Variants in PDE4D observed in about 807,000 individuals in gnomAD.
PDE4D encodes the protein 3',5'-cyclic-AMP phosphodiesterase 4D.
A neutral mutation model predicts 87.4 loss-of-function variants in PDE4D; 24 were observed. The observed-to-expected ratio is 0.27, with a 90% CI of 0.20 to 0.39. The LOEUF (loss-of-function observed/expected upper bound fraction) is 0.39, where lower values mean the gene tolerates loss of function less well. Among genes scored for constraint, PDE4D ranks in the 10% least tolerant of loss-of-function variants. The probability of loss-of-function intolerance (pLI) is 1.00; values close to 1 mark genes in which losing one functional copy is unlikely to be tolerated. For missense variants in PDE4D, 714 were observed against 1,041.0 expected (o/e 0.69, Z 4.32); for synonymous variants, 384 against 383.2 (o/e 1.00, Z -0.02).
At chr5:60,269,123 G>C (rs554617407) in intron 1 of PDE4D, among the ~76,000 whole-genome samples, 173 of 152,216 alleles carry the variant, frequency 1.1e-3, no homozygotes, top group African/African-American at 4.0e-3. Context: ...GGCCAACATG[G>C]TGAAACCCAT....
intron 1 of PDE4D, among the ~76,000 whole-genome samples, chr5:59,434,919 G>A (rs1230965878): frequency 6.6e-6 from 1 of 152,124 alleles, no homozygotes; most frequent in East Asian, 1.9e-4. Flanking sequence ...TTGGCAGGTT[G>A]ACTAATTCTC....
intron 1 of PDE4D, chr5:59,217,881 A>T (rs1751601460): frequency 5.9e-6 from 2 of 336,496 alleles, no homozygotes; most frequent in Admixed American, 7.7e-5. Context: ...TTCAATAGAC[A>T]TACATTAGGG....
chr5:60,462,918 C>A (rs1747070063), intron 1 of PDE4D, among the ~76,000 whole-genome samples: 1 of 152,190 alleles, frequency 6.6e-6, no homozygotes, highest in African/African-American at 2.4e-5. Flanking sequence ...TAGAAAGCAT[C>A]ATATGTGGTT....
chr5:60,310,927 C>A (rs1199451843), intron 1 of PDE4D, among the ~76,000 whole-genome samples: 3 of 152,310 alleles, frequency 2.0e-5, no homozygotes, highest in Non-Finnish European at 2.9e-5. Context: ...CACCAGCATA[C>A]CTCGTAACAT....
chr5:59,694,878 C>T (rs1365890520), intron 1 of PDE4D, among the ~76,000 whole-genome samples: 1 of 152,092 alleles, frequency 6.6e-6, no homozygotes, highest in African/African-American at 2.4e-5. Flanking sequence ...AGGACTTTTA[C>T]CAAACATTAC....
intron 5 of PDE4D, among the ~76,000 whole-genome samples, chr5:59,041,557 G>T (rs1017161438): frequency 6.6e-6 from 1 of 152,170 alleles, no homozygotes; most frequent in African/African-American, 2.4e-5. Flanking sequence ...CTATCCAGTG[G>T]ATTAAAGATG....
At chr5:59,511,354 TA>T (rs1174659405) in intron 1 of PDE4D, among the ~76,000 whole-genome samples, 1 of 151,920 alleles carries the variant, frequency 6.6e-6, no homozygotes, top group Non-Finnish European at 1.5e-5. Flanking sequence ...GAAAGTAAGA[TA>T]AAAAGTATAC....
intron 1 of PDE4D, among the ~76,000 whole-genome samples, chr5:60,222,621 T>C (rs1412406722): frequency 6.6e-6 from 1 of 152,152 alleles, no homozygotes; most frequent in African/African-American, 2.4e-5. Context: ...AATTGCTCCA[T>C]ATCTATCTTT....
rs1456614661 is a variant in PDE4D, at chr5:59,707,103, TAC to T, written c.455+186063_455+186064del. On this transcript the variant is annotated intron_variant, in intron 1 of 14. Coordinates refer to ENST00000340635, the MANE Select transcript of PDE4D (RefSeq NM_001104631.2). Reference sequence around the variant, plus strand: ...TATTTCTTGATAAAATAGTTTTTGTTACAGTTAGTAACATTATTTTAAAAACT... The same window carrying T: ...TATTTCTTGATAAAATAGTTTTTGTTAGTTAGTAACATTATTTTAAAAACT... Among the ~76,000 whole-genome samples the T allele has an allele frequency of 5.3e-5, 8 of 152,326 alleles. No individual in the cohort carries two copies. In the East Asian group the frequency reaches 7.7e-4, roughly 15 times the overall value.
rs757650454 is a variant in PDE4D, at chr5:58,975,007, T to A, written c.2087A>T (p.Asp696Val). 6.2e-7 allele frequency: 1 copy of A among 1,608,876 alleles called. No individual in the cohort carries two copies. The highest frequency in any genetic ancestry group is 8.5e-7 in the Non-Finnish European group (1 of 1,176,256). ...WADLVHPDAQ[D>V]ILDTLEDNRE... Reference sequence around the variant, plus strand: ...ATTGTCCTCCAAAGTGTCCAAAATATCCTGGGCGTCAGGGTGGACGAGGTC... The same window carrying A: ...ATTGTCCTCCAAAGTGTCCAAAATAACCTGGGCGTCAGGGTGGACGAGGTC... Residue 696 changes from aspartate to valine, a missense_variant, in exon 15 of 15, where the codon GAT becomes GTT. Asp to Val is a radical substitution (Grantham distance 152, BLOSUM62 -3). Transcript: ENST00000340635. The surrounding 1 kb of genome is among the most constrained non-coding windows in gnomAD (Gnocchi z 4.2).
At chr5:59,870,380 A>C (rs1020319241) in intron 1 of PDE4D, among the ~76,000 whole-genome samples, 5 of 152,244 alleles carry the variant, frequency 3.3e-5, no homozygotes, top group Non-Finnish European at 5.9e-5. Flanking sequence ...AAACATATAT[A>C]AATGTAACAA....
At chr5:60,345,396 T>G (rs989841300) in intron 1 of PDE4D, among the ~76,000 whole-genome samples, 1 of 151,514 alleles carries the variant, frequency 6.6e-6, no homozygotes, top group African/African-American at 2.4e-5. Flanking sequence ...TGTATACATA[T>G]GTAACAAACC....
chr5:59,215,556 T>C (rs1288678743), intron 2 of PDE4D: 6 of 184,272 alleles, frequency 3.3e-5, no homozygotes, highest in Non-Finnish European at 2.9e-5. Flanking sequence ...TACATGCGTG[T>C]GTGTGTGTGT....
intron 6 of PDE4D, chr5:59,000,059 G>T: frequency 3.8e-6 from 1 of 262,554 alleles, no homozygotes; most frequent in Non-Finnish European, 5.9e-6. Flanking sequence ...TTTGGGATTG[G>T]TTGGCAAGGG....
chr5:60,211,031 G>A (rs1355423081), intron 1 of PDE4D, among the ~76,000 whole-genome samples: 3 of 152,178 alleles, frequency 2.0e-5, no homozygotes, highest in African/African-American at 7.2e-5. Flanking sequence ...ACTGAGGGGC[G>A]CGACAGGAGC....
intron 2 of PDE4D, among the ~76,000 whole-genome samples, chr5:59,203,484 G>T (rs1748013725): frequency 6.6e-6 from 1 of 152,014 alleles, no homozygotes; most frequent in South Asian, 2.1e-4. Context: ...TTCTACTTCT[G>T]GGTATATATC....
chr5:59,615,840 A>G (rs1829593911), intron 1 of PDE4D, among the ~76,000 whole-genome samples: 1 of 152,192 alleles, frequency 6.6e-6, no homozygotes, highest in South Asian at 2.1e-4. Context: ...AAAGAGGACT[A>G]TCTTACAGCG....
chr5:59,464,080 C>G (rs973357839), intron 1 of PDE4D, among the ~76,000 whole-genome samples: 1 of 152,100 alleles, frequency 6.6e-6, no homozygotes, highest in Non-Finnish European at 1.5e-5. Flanking sequence ...ACAAAAACTG[C>G]GGAAGGCTGC....
chr5:60,465,330 G>A (rs184026987), intron 1 of PDE4D, among the ~76,000 whole-genome samples: 16 of 152,200 alleles, frequency 1.1e-4, no homozygotes, highest in Admixed American at 9.8e-4. Flanking sequence ...GTTTAAAAGT[G>A]AGACTAAATG....
Sources: gnomAD v4.1 joint callset for allele counts (sites outside exome capture counted in the v4.1 genomes callset) on GRCh38, gnomAD v4.1.1 for gene constraint, Gnocchi (gnomAD v3.1) non-coding constraint, MANE v1.5 for transcripts, NCBI Gene and HGNC (gene_info 2026-07-23, HGNC 2026-07-21) for gene names.